Variants in GSE1 observed in about 807,000 individuals in gnomAD.
GSE1 encodes the protein Gse1 coiled-coil protein, also known as genetic suppressor element 1.
GSE1 carries 32 observed loss-of-function variants against 112.6 expected under a neutral mutation model. The observed-to-expected ratio is 0.28, with a 90% CI of 0.21 to 0.38. The LOEUF is 0.38. Among genes scored for constraint, GSE1 ranks in the 10% least tolerant of loss-of-function variants. GSE1 has a pLI of 1.00. For missense variants in GSE1, 2,348 were observed against 1,699.2 expected, an observed-to-expected ratio of 1.38 and a Z score of -6.71; for synonymous variants, 1,115 against 735.6, an observed-to-expected ratio of 1.52 and a Z score of -8.35.
chr16:85,171,666 A>G, exon 1 of GSE1: 2 of 985,540 alleles, frequency 2.0e-6, no homozygotes, highest in Non-Finnish European at 2.4e-6. Context: ...CCCTGCGAGC[A>G]AGCCACAGCC....
intron 2 of GSE1, among the ~76,000 whole-genome samples, chr16:85,510,749 C>T (rs1045528454): frequency 2.0e-5 from 3 of 152,144 alleles, no homozygotes; most frequent in Admixed American, 1.3e-4. Context: ...CCCCCGCGAC[C>T]CCTGCAGGCC....
At chr16:85,637,552 T>C (rs976332154) in intron 2 of GSE1, among the ~76,000 whole-genome samples, 2 of 152,094 alleles carry the variant, frequency 1.3e-5, no homozygotes, top group Non-Finnish European at 2.9e-5. Flanking sequence ...ATCGCGGCAG[T>C]GGCTGTGTAT....
chr16:85,436,990 G>GGCTC (rs2049262143), intron 2 of GSE1, among the ~76,000 whole-genome samples: 1 of 152,212 alleles, frequency 6.6e-6, no homozygotes, highest in Non-Finnish European at 1.5e-5. Context: ...GGTCGACGCG[G>GGCTC]CGGAGCCCGG....
chr16:85,445,439 AG>A (rs1292570484), intron 2 of GSE1, among the ~76,000 whole-genome samples: 2 of 152,050 alleles, frequency 1.3e-5, no homozygotes, highest in Admixed American at 6.5e-5. Flanking sequence ...ACGCACAGCG[AG>A]GGGGGGCGGC....
intron 2 of GSE1, among the ~76,000 whole-genome samples, chr16:85,442,049 CT>C (rs2049388546): frequency 6.6e-6 from 1 of 152,230 alleles, no homozygotes; most frequent in Non-Finnish European, 1.5e-5. Context: ...CACTGACCAC[CT>C]TGCTGGTCTC....
Position 85,656,381 on chromosome 16 carries a change from G to A in GSE1, c.1028G>A (p.Arg343His), listed in dbSNP as rs376448790. ...MDEELRRERE[R>H]EREREREREA... ...GAGGAGCTAAGGCGGGAGAGGGAGC[G>A]CGAGCGCGAGCGCGAGCGTGAGCGT... Residue 343 changes from arginine to histidine, a missense_variant, in exon 7 of 16, where the codon CGC becomes CAC. Physicochemically the swap from Arg to His is conservative, Grantham distance 29. Coordinates refer to ENST00000253458, the MANE Select transcript of GSE1 (RefSeq NM_014615.5). The A allele has an allele frequency of 7.9e-5, 116 of 1,464,046 alleles. No individual in the cohort carries two copies. The highest frequency in any genetic ancestry group is 9.7e-5 in the Non-Finnish European group (106 of 1,092,398). 90.7% of individuals were successfully genotyped at this position (1,464,046 alleles called of 1,614,324 possible).
intron 1 of GSE1, among the ~76,000 whole-genome samples, chr16:85,233,065 GCTAGCC>G (rs1234854618): frequency 6.6e-6 from 1 of 152,268 alleles, no homozygotes; most frequent in Non-Finnish European, 1.5e-5. Flanking sequence ...TGCTGGGGCT[GCTAGCC>G]CCATGGCTCC....
intron 2 of GSE1, among the ~76,000 whole-genome samples, chr16:85,480,565 C>T (rs755383655): frequency 6.6e-5 from 10 of 152,224 alleles, no homozygotes; most frequent in Non-Finnish European, 1.2e-4. Context: ...CCCCCACCTT[C>T]CCCCGCCACC....
intron 2 of GSE1, among the ~76,000 whole-genome samples, chr16:85,364,101 G>T (rs1387975019): frequency 6.6e-6 from 1 of 152,234 alleles, no homozygotes; most frequent in Non-Finnish European, 1.5e-5. Context: ...AAATCCCGAT[G>T]TGGGCAGGGC....
At chr16:85,532,760 A>C (rs1338548387) in intron 2 of GSE1, among the ~76,000 whole-genome samples, 3 of 152,238 alleles carry the variant, frequency 2.0e-5, no homozygotes. Flanking sequence ...GAATTCTGGC[A>C]TACCTGCCAC....
Position 85,662,998 on chromosome 16 carries a change from G to A in GSE1, c.2278G>A (p.Asp760Asn), listed in dbSNP as rs2052555581. The A allele has an allele frequency of 6.2e-6, 10 of 1,610,544 alleles. No individual in the cohort carries two copies. The highest frequency in any genetic ancestry group is 2.7e-5 in the African/African-American group (2 of 74,976). ...AQEKGYYYDL[D>N]DSYDESDEEE... ...TCCATCAGGGTACTACTACGACCTC[G>A]ATGACTCTTACGACGAGAGCGATGA... is the stretch of plus-strand genomic sequence containing the variant. Residue 760 changes from aspartate to asparagine, a missense_variant, in exon 10 of 16, where the codon GAT (aspartate) becomes AAT (asparagine). Transcript: ENST00000253458.
intron 1 of GSE1, among the ~76,000 whole-genome samples, chr16:85,198,732 C>T (rs1419579884): frequency 5.9e-5 from 9 of 152,174 alleles, no homozygotes; most frequent in Non-Finnish European, 1.5e-5. Context: ...CCCCTTGCTC[C>T]TTGCCAGGCC....
intron 1 of GSE1, among the ~76,000 whole-genome samples, chr16:85,255,774 C>T (rs1201209940): frequency 6.6e-6 from 1 of 151,600 alleles, no homozygotes; most frequent in Non-Finnish European, 1.5e-5. Context: ...CTGTAGCCTC[C>T]ACCTCCTGCG....
At chr16:85,644,736 A>C (rs958975327) in intron 2 of GSE1, among the ~76,000 whole-genome samples, 10 of 152,006 alleles carry the variant, frequency 6.6e-5, no homozygotes, top group Non-Finnish European at 1.5e-4. Flanking sequence ...TGATGGTCGC[A>C]CAACTCTGGA....
intron 2 of GSE1, among the ~76,000 whole-genome samples, chr16:85,501,352 A>C (rs965483936): frequency 3.4e-5 from 5 of 148,498 alleles, no homozygotes; most frequent in Non-Finnish European, 5.9e-5. Flanking sequence ...TTTCCAAATA[A>C]GGTCACATAC....
At chr16:85,285,097 T>C (rs1226570710) in intron 1 of GSE1, 1 of 152,196 alleles carries the variant, frequency 6.6e-6, no homozygotes, top group East Asian at 1.9e-4. Context: ...TACTTACTAA[T>C]TTCAAAGGGG....
intron 2 of GSE1, among the ~76,000 whole-genome samples, chr16:85,364,884 G>A (rs533151951): frequency 1.8e-4 from 27 of 152,288 alleles, no homozygotes; most frequent in Middle Eastern, 6.8e-3. Context: ...TCCCTGAGAC[G>A]GCACGGGTCA....
rs149109885 is a variant in GSE1 at position 85,432,600 on chromosome 16, A to T, written c.2464+74957A>T. 6.0e-3 allele frequency among the ~76,000 whole-genome samples: 914 copies of T among 152,316 alleles called. 6 individuals carry two copies. The highest frequency in any genetic ancestry group is 0.021 in the African/African-American group (866 of 41,568). On this transcript the variant is annotated intron_variant, in intron 2 of 2. Transcript: ENST00000637419. Reference sequence around the variant, plus strand: ...TCGTGGCAGGTGTCATTTGTGGGGCATATTTTATGCCACCTTTGTGTGTTT... The same window carrying T: ...TCGTGGCAGGTGTCATTTGTGGGGCTTATTTTATGCCACCTTTGTGTGTTT...
chr16:85,475,164 C>T (rs974472624), intron 2 of GSE1, among the ~76,000 whole-genome samples: 1 of 152,242 alleles, frequency 6.6e-6, no homozygotes, highest in Non-Finnish European at 1.5e-5. Context: ...AGACAAGGCC[C>T]CAACTTTTCC....
Sources: gnomAD v4.1 joint callset for allele counts (sites outside exome capture counted in the v4.1 genomes callset) on GRCh38, gnomAD v4.1.1 for gene constraint, MANE v1.5 for transcripts, NCBI Gene and HGNC (gene_info 2026-07-23, HGNC 2026-07-21) for gene names.